The following ZNF787 variants were observed in gnomAD, a reference collection of about 807,000 sequenced individuals.
The protein encoded by ZNF787 is zinc finger protein 787.
In ZNF787, 7 loss-of-function variants were observed where a neutral mutation model predicts 16.9. The ratio of observed to expected loss-of-function variants is 0.42; its 90% confidence interval spans 0.24 to 0.78. ZNF787 has a LOEUF of 0.78. Among genes scored for constraint, ZNF787 ranks in the 30% least tolerant of loss-of-function variants. The probability of loss-of-function intolerance (pLI) is 0.30; values close to 1 mark genes in which losing one functional copy is unlikely to be tolerated. For synonymous variants in ZNF787, 345 were observed against 270.9 expected (o/e 1.27, Z -2.69); for missense variants, 551 against 589.3 (o/e 0.94, Z 0.67).
intron 1 of ZNF787, among the ~76,000 whole-genome samples, chr19:56,112,722 C>T (rs927461210): frequency 1.3e-5 from 2 of 151,998 alleles, no homozygotes; most frequent in Non-Finnish European, 2.9e-5. Flanking sequence ...CCAAGTCATC[C>T]TCCAACCACT....
intron 2 of ZNF787, among the ~76,000 whole-genome samples, chr19:56,092,042 C>CT (rs1568523612): frequency 7.4e-5 from 11 of 148,966 alleles, no homozygotes; most frequent in Non-Finnish European, 1.1e-4. Flanking sequence ...AAGCCGAAGC[C>CT]GAAGCCTCAC....
At chr19:56,107,741 CAGAA>C (rs1364710927) in intron 1 of ZNF787, among the ~76,000 whole-genome samples, 1 of 151,310 alleles carries the variant, frequency 6.6e-6, no homozygotes, top group African/African-American at 2.4e-5. Flanking sequence ...GGTGGGCCCT[CAGAA>C]AGAAGGCACC....
chr19:56,111,662 G>A (rs539018446), intron 1 of ZNF787, among the ~76,000 whole-genome samples: 3 of 152,204 alleles, frequency 2.0e-5, no homozygotes, highest in East Asian at 1.9e-4. Context: ...AAGGAACTCC[G>A]CACCGTGGCG....
chr19:56,110,350 A>G lies in ZNF787; in HGVS notation c.-10-7123T>C, dbSNP rs1047806414. Among the ~76,000 whole-genome samples the G allele has an allele frequency of 1.3e-4, 20 of 151,110 alleles. 1 individual carries two copies. Among genetic ancestry groups the G allele is most frequent in the African/African-American group, 4.6e-4 (19 of 41,156 alleles). On this transcript the variant is annotated intron_variant, in intron 1 of 2. Coordinates refer to ENST00000610935, the MANE Select transcript of ZNF787 (RefSeq NM_001002836.4). Reference sequence around the variant, plus strand: ...GCACTCCAGCCTGGGCAACAGAGCGAGACTCCGTCTCAAAAAAAAAAAAAG... The same window carrying G: ...GCACTCCAGCCTGGGCAACAGAGCGGGACTCCGTCTCAAAAAAAAAAAAAG...
chr19:56,095,993 G>GTGA (rs1194742205), intron 2 of ZNF787, among the ~76,000 whole-genome samples: 2 of 152,124 alleles, frequency 1.3e-5, no homozygotes, highest in Non-Finnish European at 2.9e-5. Context: ...CTTTGCAACT[G>GTGA]TGATCCAGGG....
At position 56,103,790 on chromosome 19, in the gene ZNF787, C is replaced by A. The variant is rs1230345461; in HGVS notation, c.-10-563G>T. ...GACACCACCGACCCGTGCCACGCACCAGGAGGGTCTCTACGCACGACACCA... is the reference window on the plus strand; with the variant it reads ...GACACCACCGACCCGTGCCACGCACAAGGAGGGTCTCTACGCACGACACCA... On this transcript the variant is annotated intron_variant, in intron 1 of 2. Coordinates refer to ENST00000610935, the MANE Select transcript of ZNF787 (RefSeq NM_001002836.4). Among the ~76,000 whole-genome samples, 11 of 150,382 alleles carry A rather than the reference C, an allele frequency of 7.3e-5. 1 individual carries two copies. The highest frequency in any genetic ancestry group is 7.3e-4 in the Admixed American group (11 of 15,104).
intron 2 of ZNF787, among the ~76,000 whole-genome samples, chr19:56,099,710 C>CAAAAAAAAAA: frequency 9.4e-6 from 1 of 106,544 alleles, no homozygotes; most frequent in Non-Finnish European, 1.8e-5. Context: ...GGCTCCGTCT[C>CAAAAAAAAAA]AAAAAAAAAA....
intron 1 of ZNF787, 138 bp from the exon 2 acceptor site, chr19:56,103,365 A>C: frequency 1.5e-6 from 1 of 678,074 alleles, no homozygotes; most frequent in South Asian, 2.3e-5. Context: ...CACCTACCCC[A>C]GGACACCGAG....
At chr19:56,110,391 C>T (rs868700390) in intron 1 of ZNF787, among the ~76,000 whole-genome samples, 1 of 151,388 alleles carries the variant, frequency 6.6e-6, no homozygotes, top group African/African-American at 2.4e-5. Flanking sequence ...AAAAGAAAAA[C>T]GAAATGTTGT....
In ZNF787 at chr19:56,092,170, C is replaced by A. The variant is rs991025683; in HGVS notation, c.80-3078G>T. On this transcript the variant is annotated intron_variant, in intron 2 of 2. Coordinates refer to ENST00000610935, the MANE Select transcript of ZNF787 (RefSeq NM_001002836.4). ...AGCAAGAGAAGAGCACGGTGAGGAG[C>A]ACAAGAGTTCTCATTCAATTAAAAA... 3.3e-5 allele frequency among the ~76,000 whole-genome samples: 5 copies of A among 152,316 alleles called. No individual in the cohort carries two copies. The Middle Eastern group carries it at 0.01, about 311-fold the overall frequency.
chr19:56,104,591 A>C (rs944880394), intron 1 of ZNF787, among the ~76,000 whole-genome samples: 2 of 151,392 alleles, frequency 1.3e-5, no homozygotes, highest in Non-Finnish European at 3.0e-5. Flanking sequence ...GCCACGTACC[A>C]TGAGGGTCTC....
chr19:56,113,691 A>ACTTCCCAGGAACC (rs1245655898), intron 1 of ZNF787, among the ~76,000 whole-genome samples: 1 of 3,680 alleles, frequency 2.7e-4, no homozygotes, highest in East Asian at 2.0e-3. Context: ...ACCGGGACGC[A>ACTTCCCAGGAACC]GGGAGGCAGG....
At position 56,096,775 on chromosome 19, in the gene ZNF787, A is replaced by G. The variant is rs1028205347; in HGVS notation, c.79+6364T>C. Among the ~76,000 whole-genome samples the G allele has an allele frequency of 2.0e-5, 3 of 152,172 alleles. No homozygotes were observed. In the East Asian group the frequency reaches 5.8e-4, roughly 29 times the overall value. On this transcript the variant is annotated intron_variant, in intron 2 of 2. Transcript: ENST00000610935. ...AATAAAGAGAGATGAGGGTGCACTG[A>G]AACATGGAGCCCGTGCTCACCCGAG...
chr19:56,107,892 G>T (rs2029879214), intron 1 of ZNF787, among the ~76,000 whole-genome samples: 1 of 152,208 alleles, frequency 6.6e-6, no homozygotes, highest in Non-Finnish European at 1.5e-5. Flanking sequence ...GAGCTTGAAG[G>T]CCGGGCATGC....
chr19:56,094,519 A>G (rs185803068), intron 2 of ZNF787, among the ~76,000 whole-genome samples: 3 of 151,232 alleles, frequency 2.0e-5, no homozygotes, highest in African/African-American at 4.9e-5. Context: ...CTTGCCTTCA[A>G]TTTTTTTAAA....
At chr19:56,101,574 T>G (rs960330351) in intron 2 of ZNF787, 1 of 152,254 alleles carries the variant, frequency 6.6e-6, no homozygotes, top group African/African-American at 2.4e-5. Context: ...GACCGGGTGC[T>G]AGATTAGATG....
chr19:56,105,372 T>G (rs2123414455), intron 1 of ZNF787: 1 of 152,216 alleles, frequency 6.6e-6, no homozygotes, highest in African/African-American at 2.4e-5. Context: ...GACACAGGGC[T>G]GCCAACTTCG....
chr19:56,108,652 G>C (rs1251304646), intron 1 of ZNF787, among the ~76,000 whole-genome samples: 1 of 152,126 alleles, frequency 6.6e-6, no homozygotes, highest in Non-Finnish European at 1.5e-5. Flanking sequence ...GGCAGCGCCA[G>C]GCACAGCTGG....
Position 56,087,930 on chromosome 19 carries a change from C to T in ZNF787, c.*93G>A. 1 of 1,287,892 alleles carries T rather than the reference C, an allele frequency of 7.8e-7. No individual in the cohort carries two copies. The highest frequency in any genetic ancestry group is 9.8e-7 in the Non-Finnish European group (1 of 1,018,312). 79.8% of individuals were successfully genotyped at this position (1,287,892 alleles called of 1,614,324 possible). A position where few individuals can be genotyped will look rare whatever the true frequency, so the allele number is the denominator to read the frequency against. ...GGGATGCCGCGGGGTCCATCGCACC[C>T]CGTCCGCTTCTCCCTGGGTCTCTTG... On this transcript the variant is annotated 3_prime_UTR_variant, in exon 3 of 3. Coordinates refer to ENST00000610935, the MANE Select transcript of ZNF787 (RefSeq NM_001002836.4).
Sources: gnomAD v4.1 joint callset for allele counts (sites outside exome capture counted in the v4.1 genomes callset) on GRCh38, gnomAD v4.1.1 for gene constraint, MANE v1.5 for transcripts, NCBI Gene and HGNC (gene_info 2026-07-23, HGNC 2026-07-21) for gene names.